RGS5: variants seen among roughly 807,000 people sequenced by gnomAD.
RGS5 encodes the protein regulator of G protein signaling 5.
In RGS5, 20 loss-of-function variants were observed where a neutral mutation model predicts 18.9. That is an observed-to-expected ratio of 1.06 (90% CI 0.74 to 1.54). The LOEUF (loss-of-function observed/expected upper bound fraction) is 1.54. RGS5 is among the 40% of genes most tolerant of loss of function. The probability of loss-of-function intolerance (pLI) is 0.00; values close to 1 mark genes in which losing one functional copy is unlikely to be tolerated. For synonymous variants in RGS5, 57 were observed against 76.2 expected (o/e 0.75, Z 1.31); for missense variants, 201 against 211.8 (o/e 0.95, Z 0.32).
intron 1 of RGS5, among the ~76,000 whole-genome samples, chr1:163,189,786 G>T (rs1467871986): frequency 1.3e-5 from 2 of 152,194 alleles, no homozygotes; most frequent in African/African-American, 4.8e-5. Flanking sequence ...TGCTATGAGT[G>T]GGTAAATGGT....
At chr1:163,290,147 T>A (rs1649244423) in intron 2 of RGS5, among the ~76,000 whole-genome samples, 1 of 152,154 alleles carries the variant, frequency 6.6e-6, no homozygotes. Flanking sequence ...ATGCCCTGTG[T>A]AAATCAGACA....
At chr1:163,180,759 A>G (rs1420217589) in intron 1 of RGS5, among the ~76,000 whole-genome samples, 1 of 128,240 alleles carries the variant, frequency 7.8e-6, no homozygotes, top group African/African-American at 3.0e-5. Flanking sequence ...CAGTGGTGTA[A>G]TCTCGTCTCA....
intron 2 of RGS5, among the ~76,000 whole-genome samples, chr1:163,164,044 T>C (rs148501257): frequency 2.0e-5 from 3 of 152,190 alleles, no homozygotes; most frequent in African/African-American, 7.2e-5. Flanking sequence ...ATTAAATTCC[T>C]GAAAAGGAAA....
intron 4 of RGS5, among the ~76,000 whole-genome samples, chr1:163,151,710 G>T (rs1182260429): frequency 6.6e-6 from 1 of 152,066 alleles, no homozygotes; most frequent in Non-Finnish European, 1.5e-5. Flanking sequence ...AGTTTCCTGA[G>T]GTCTCCCCAT....
chr1:163,304,245 T>C (rs1229219466), intron 2 of RGS5: 4 of 152,182 alleles, frequency 2.6e-5, no homozygotes, highest in Non-Finnish European at 5.9e-5. Context: ...CCTGCACTTC[T>C]GGCAGCAATT....
intron 2 of RGS5, among the ~76,000 whole-genome samples, chr1:163,253,425 C>T (rs548438439): frequency 1.4e-3 from 211 of 151,702 alleles, no homozygotes; most frequent in Middle Eastern, 0.014. Flanking sequence ...TTTCCTGCCT[C>T]AGCCTCCCAT....
chr1:163,241,955 T>A (rs1037815342), intron 2 of RGS5, among the ~76,000 whole-genome samples: 1 of 152,180 alleles, frequency 6.6e-6, no homozygotes. Flanking sequence ...ATGCTCAAGA[T>A]TGAACTAGAT....
rs114326483 is a variant in RGS5, at chr1:163,142,791, A to T, written c.*4551T>A. The stretch of plus-strand genomic sequence containing the variant: ...ATATTTCCTCTTGCAAAGGGAGAAG[A>T]GGAAGGGAGGAACAGGGGCAAGGTG... On this transcript the variant is annotated 3_prime_UTR_variant, in exon 5 of 5. Coordinates refer to ENST00000313961, the MANE Select transcript of RGS5 (RefSeq NM_003617.4). 6.6e-6 allele frequency: 1 copy of T among 152,280 alleles called. No individual in the cohort carries two copies. Among genetic ancestry groups the T allele is most frequent in the Non-Finnish European group, 1.5e-5 (1 of 68,016 alleles). The allele number at this position is 152,280 out of a possible 1,614,324, so 9.4% of individuals were successfully genotyped here.
intron 2 of RGS5, among the ~76,000 whole-genome samples, chr1:163,263,999 G>C (rs1167107608): frequency 6.6e-6 from 1 of 151,876 alleles, no homozygotes; most frequent in East Asian, 1.9e-4. Context: ...CAGCTGAGGG[G>C]AGTTTTGACT....
At chr1:163,195,476 T>G (rs1307307234) in intron 1 of RGS5, among the ~76,000 whole-genome samples, 1 of 151,932 alleles carries the variant, frequency 6.6e-6, no homozygotes, top group African/African-American at 2.4e-5. Context: ...GGCTACAGGG[T>G]GCAGTGCTTG....
chr1:163,291,921 T>A (rs1649297815), intron 2 of RGS5, among the ~76,000 whole-genome samples: 1 of 152,184 alleles, frequency 6.6e-6, no homozygotes, highest in Non-Finnish European at 1.5e-5. Flanking sequence ...ATTCTGTTTG[T>A]GCAGTGGGCA....
At chr1:163,301,813 A>T (rs1649560089) in intron 2 of RGS5, among the ~76,000 whole-genome samples, 1 of 152,154 alleles carries the variant, frequency 6.6e-6, no homozygotes. Context: ...GGGTGTAAAT[A>T]ATTAAATAGA....
intron 1 of RGS5, chr1:163,217,505 A>G (rs1404007879): frequency 1.3e-6 from 2 of 1,514,300 alleles, no homozygotes; most frequent in Non-Finnish European, 8.8e-7. Context: ...ACCATTATTT[A>G]AGACTAATAT....
At chr1:163,202,649 G>C (rs1659819039) in intron 1 of RGS5, 143 bp downstream of exon 1, 1 of 634,624 alleles carries the variant, frequency 1.6e-6, no homozygotes. Context: ...ACAGAGAAGA[G>C]ATAATACCCA....
chr1:163,275,248 A>G (rs1648823591), intron 2 of RGS5, among the ~76,000 whole-genome samples: 1 of 152,174 alleles, frequency 6.6e-6, no homozygotes, highest in African/African-American at 2.4e-5. Flanking sequence ...GCTTGAGCCC[A>G]TTCCAGTCCC....
At chr1:163,224,763 C>CT (rs1483302692) in intron 2 of RGS5, among the ~76,000 whole-genome samples, 8 of 152,092 alleles carry the variant, frequency 5.3e-5, no homozygotes, top group Admixed American at 1.3e-4. Flanking sequence ...TCTCATTCTG[C>CT]TTTGATTTGC....
intron 1 of RGS5, among the ~76,000 whole-genome samples, chr1:163,177,546 T>C (rs1214195019): frequency 6.6e-6 from 1 of 152,166 alleles, no homozygotes; most frequent in Non-Finnish European, 1.5e-5. Context: ...TTCAGTCACC[T>C]GGGGGAGAAA....
At chr1:163,269,898 AG>A (rs1277968341) in intron 2 of RGS5, among the ~76,000 whole-genome samples, 8 of 152,236 alleles carry the variant, frequency 5.3e-5, no homozygotes, top group African/African-American at 9.6e-5. Context: ...GACATTATAC[AG>A]AATCTGTCAA....
At chr1:163,164,736 A>G (rs1362138920) in intron 2 of RGS5, among the ~76,000 whole-genome samples, 2 of 152,226 alleles carry the variant, frequency 1.3e-5, no homozygotes, top group African/African-American at 2.4e-5. Context: ...GACCAGTCCC[A>G]TGAACCATTA....
Sources: allele counts gnomAD v4.1 joint callset (sites outside exome capture counted in the v4.1 genomes callset), GRCh38; gene constraint gnomAD v4.1.1; transcripts MANE v1.5; gene names NCBI Gene and HGNC (gene_info 2026-07-23, HGNC 2026-07-21).